The following ZDHHC14 variants were observed in gnomAD, a reference collection of about 807,000 sequenced individuals.
The protein encoded by ZDHHC14 is palmitoyltransferase ZDHHC14.
A neutral mutation model predicts 47.7 loss-of-function variants in ZDHHC14; 16 were observed. That is an observed-to-expected ratio of 0.34 (90% CI 0.23 to 0.51). The LOEUF is 0.51. Ranked by LOEUF, ZDHHC14 falls within the 20% of genes least tolerant of loss-of-function variation. The pLI is 0.97. For missense variants in ZDHHC14, 515 were observed against 662.5 expected, an observed-to-expected ratio of 0.78 and a Z score of 2.44; for synonymous variants, 293 against 278.9, an observed-to-expected ratio of 1.05 and a Z score of -0.50.
chr6:157,669,281 C>T (rs952000012), intron 8 of ZDHHC14, among the ~76,000 whole-genome samples: 1 of 151,536 alleles, frequency 6.6e-6, no homozygotes, highest in Admixed American at 6.6e-5. Context: ...AGGAAAAGGG[C>T]CAGCAGCTGA....
chr6:157,425,475 C>T (rs1217884476), intron 1 of ZDHHC14, among the ~76,000 whole-genome samples: 1 of 152,106 alleles, frequency 6.6e-6, no homozygotes, highest in Non-Finnish European at 1.5e-5. Context: ...TTATGTTGGC[C>T]AGCTCCTCAA....
intron 8 of ZDHHC14, among the ~76,000 whole-genome samples, chr6:157,654,005 T>C (rs1306101259): frequency 6.6e-6 from 1 of 152,168 alleles, no homozygotes; most frequent in Non-Finnish European, 1.5e-5. Context: ...TCCCCATCTG[T>C]ACTGACCCCT....
At chr6:157,462,151 G>A (rs1318636376) in intron 1 of ZDHHC14, among the ~76,000 whole-genome samples, 3 of 152,116 alleles carry the variant, frequency 2.0e-5, no homozygotes, top group Non-Finnish European at 2.9e-5. Flanking sequence ...TGTCCTCTGT[G>A]TTGTCATGAA....
intron 1 of ZDHHC14, among the ~76,000 whole-genome samples, chr6:157,419,146 T>C (rs1334386381): frequency 6.6e-6 from 1 of 152,220 alleles, no homozygotes; most frequent in Non-Finnish European, 1.5e-5. Flanking sequence ...TTTCATTTCC[T>C]GCTGTCTTCC....
intron 1 of ZDHHC14, among the ~76,000 whole-genome samples, chr6:157,389,175 G>A (rs921560882): frequency 5.3e-5 from 8 of 152,136 alleles, no homozygotes; most frequent in African/African-American, 1.9e-4. Context: ...CTTTTATTTT[G>A]AAATGATTTC....
At chr6:157,605,271 A>G (rs1453680853) in intron 3 of ZDHHC14, among the ~76,000 whole-genome samples, 1 of 152,268 alleles carries the variant, frequency 6.6e-6, no homozygotes, top group African/African-American at 2.4e-5. Flanking sequence ...TAAAAGACTA[A>G]TTGAAATGGA....
chr6:157,461,063 G>A (rs889417104), intron 1 of ZDHHC14, among the ~76,000 whole-genome samples: 21 of 152,226 alleles, frequency 1.4e-4, no homozygotes, highest in African/African-American at 4.8e-4. Flanking sequence ...TGGTTAAAAT[G>A]CACATGCAAT....
chr6:157,413,581 CT>C (rs1777913368), intron 1 of ZDHHC14, among the ~76,000 whole-genome samples: 1 of 150,402 alleles, frequency 6.6e-6, no homozygotes, highest in African/African-American at 2.4e-5. Context: ...GCTTTTCTTC[CT>C]TCCTTTCTTT....
chr6:157,654,862 A>C (rs1305887988), intron 8 of ZDHHC14, among the ~76,000 whole-genome samples: 1 of 151,774 alleles, frequency 6.6e-6, no homozygotes, highest in East Asian at 1.9e-4. Flanking sequence ...CAGCCTTCCA[A>C]GTAGCTGGGA....
Position 157,673,252 on chromosome 6 carries a change from A to G in ZDHHC14, c.*130A>G. 2 of 1,278,272 alleles carry G rather than the reference A, an allele frequency of 1.6e-6. No homozygotes were observed. Among genetic ancestry groups the G allele is most frequent in the Non-Finnish European group, 2.1e-6 (2 of 967,838 alleles). 79.2% of individuals were successfully genotyped at this position (1,278,272 alleles called of 1,614,324 possible). ...GAGATGACAGCCCCAGGTCTGGGGT[A>G]CAGAGACCACTTAGGATGGCACAGG... On this transcript the variant is annotated 3_prime_UTR_variant, in exon 9 of 9. Transcript: ENST00000359775. The surrounding 1 kb of genome is among the most constrained non-coding windows in gnomAD (Gnocchi z 5.4).
rs529714866 is a variant in ZDHHC14, at chr6:157,545,603, G to A, written c.406+2858G>A. Among the ~76,000 whole-genome samples, 7 of 152,118 alleles carry A rather than the reference G, an allele frequency of 4.6e-5. No individual in the cohort carries two copies. In the South Asian group the frequency reaches 8.3e-4, roughly 18 times the overall value. ...TGAGGCAGGAGAATGGCATGAACCC[G>A]GGAGGCAGAGCTTGCAGCCGAGATC... On this transcript the variant is annotated intron_variant, in intron 2 of 8. Transcript: ENST00000359775.
intron 1 of ZDHHC14, among the ~76,000 whole-genome samples, chr6:157,518,709 C>G (rs1320569199): frequency 7.5e-6 from 1 of 133,544 alleles, no homozygotes; most frequent in Non-Finnish European, 1.5e-5. Context: ...AGCCTGTGTT[C>G]GTTATTTAGA....
Position 157,514,236 on chromosome 6 carries a change from G to C in ZDHHC14, c.246-28349G>C, listed in dbSNP as rs567814757. ...CTCAATTTTTTGGGGGGACAAGGCA[G>C]AGTTACGTGTAAACAACCGACAAGC... On this transcript the variant is annotated intron_variant, in intron 1 of 8. Coordinates refer to ENST00000359775, the MANE Select transcript of ZDHHC14 (RefSeq NM_024630.3). Among the ~76,000 whole-genome samples the C allele has an allele frequency of 2.8e-4, 43 of 152,340 alleles. 1 individual carries two copies. The South Asian group carries it at 8.7e-3, about 31-fold the overall frequency.
chr6:157,506,940 C>G (rs968901700), intron 1 of ZDHHC14, among the ~76,000 whole-genome samples: 1 of 146,662 alleles, frequency 6.8e-6, no homozygotes, highest in Non-Finnish European at 1.5e-5. Flanking sequence ...ATTAAAGTAA[C>G]ATATAGTTTA....
intron 3 of ZDHHC14, among the ~76,000 whole-genome samples, chr6:157,619,480 C>A (rs926576096): frequency 2.6e-5 from 4 of 152,130 alleles, no homozygotes; most frequent in African/African-American, 4.8e-5. Context: ...GCTGAAGGGA[C>A]CTCTGTTGTC....
At chr6:157,433,585 C>T (rs531366677) in intron 1 of ZDHHC14, among the ~76,000 whole-genome samples, 8 of 152,220 alleles carry the variant, frequency 5.3e-5, no homozygotes, top group Middle Eastern at 3.4e-3. Flanking sequence ...CTGGTTACAA[C>T]GGGAGGAGTT....
chr6:157,458,849 A>ATTTTTTTTTTTTTTTTTTT lies in ZDHHC14; in HGVS notation c.245+76587_245+76605dup, dbSNP rs750975822. 8.8e-3 allele frequency among the ~76,000 whole-genome samples: 716 copies of ATTTTTTTTTTTTTTTTTTT among 81,186 alleles called. 103 individuals are homozygous for ATTTTTTTTTTTTTTTTTTT. The highest frequency in any genetic ancestry group is 0.022 in the East Asian group (48 of 2,178). The allele number at this position is 81,186 out of a possible 152,430, so 53.3% of individuals were successfully genotyped here. A position where few individuals can be genotyped will look rare whatever the true frequency, so the allele number is the denominator to read the frequency against. On this transcript the variant is annotated intron_variant, in intron 1 of 8. Transcript: ENST00000359775. Reference sequence around the variant, plus strand: ...TACAGGTACTAGCAAATGTGGGTGGATTTTTTTTTTTTTTTTTTTTTTGAG... The same window carrying ATTTTTTTTTTTTTTTTTTT: ...TACAGGTACTAGCAAATGTGGGTGGATTTTTTTTTTTTTTTTTTTTTTTTTTTTTTTTTTTTTTTTTGAG...
At chr6:157,610,620 G>C (rs151011301) in intron 3 of ZDHHC14, among the ~76,000 whole-genome samples, 2 of 152,304 alleles carry the variant, frequency 1.3e-5, no homozygotes, top group East Asian at 3.9e-4. Flanking sequence ...CCAAGAAGGA[G>C]AGGCAGCGTT....
At chr6:157,595,261 C>T (rs1272183176) in intron 3 of ZDHHC14, among the ~76,000 whole-genome samples, 2 of 128,580 alleles carry the variant, frequency 1.6e-5, no homozygotes, top group African/African-American at 6.0e-5. Context: ...GGCATGATCT[C>T]AGCTCATTGC....
Sources: allele counts gnomAD v4.1 joint callset (sites outside exome capture counted in the v4.1 genomes callset), GRCh38; gene constraint gnomAD v4.1.1; non-coding constraint Gnocchi (gnomAD v3.1); transcripts MANE v1.5; gene names NCBI Gene and HGNC (gene_info 2026-07-23, HGNC 2026-07-21).